The following SHROOM1 variants were observed in gnomAD, a reference collection of about 807,000 sequenced individuals.
SHROOM1 encodes shroom family member 1, also known as protein Shroom1.
A neutral mutation model predicts 64.2 loss-of-function variants in SHROOM1; 53 were observed. That is an observed-to-expected ratio of 0.83 (90% CI 0.66 to 1.04). The LOEUF is 1.04. SHROOM1 is among the 50% of genes least tolerant of loss of function. SHROOM1 has a pLI of 0.00. For synonymous variants in SHROOM1, 490 were observed against 518.9 expected (o/e 0.94, Z 0.76); for missense variants, 1,179 against 1,163.2 (o/e 1.01, Z -0.20).
Position 132,822,760 on chromosome 5 carries a change from G to C in SHROOM1, c.*36C>G. 6.5e-7 allele frequency: 1 copy of C among 1,529,826 alleles called. No individual in the cohort carries two copies. The allele number at this position is 1,529,826 out of a possible 1,614,324, so 94.8% of individuals were successfully genotyped here. A position where few individuals can be genotyped will look rare whatever the true frequency, so the allele number is the denominator to read the frequency against. On this transcript the variant is annotated 3_prime_UTR_variant, in exon 10 of 10. Coordinates refer to ENST00000378679, the MANE Select transcript of SHROOM1 (RefSeq NM_001172700.2). ...CATCACCCCACTTACGTGGGTGAGA[G>C]ATAGGGGCGGTGCACCCCACCCTCT... is the stretch of plus-strand genomic sequence containing the variant.
chr5:132,830,220 G>C lies in SHROOM1; in HGVS notation c.-501+374C>G, dbSNP rs1351557311. 3.0e-6 allele frequency: 3 copies of C among 985,244 alleles called. No homozygotes were observed. The highest frequency in any genetic ancestry group is 5.2e-4 in the Middle Eastern group (1 of 1,936). 61.0% of individuals were successfully genotyped at this position (985,244 alleles called of 1,614,324 possible). On this transcript the variant is annotated intron_variant, in intron 1 of 9. Transcript: ENST00000378679. This position sits in a 1 kb window ranked among gnomAD's most constrained non-coding sequence, Gnocchi z 5.9. ...CGCAGGGGACAGCGCGAGCCCGGGA[G>C]GGAAGGACCCGGCTTCTCCAGATGC...
Position 132,822,801 on chromosome 5 carries a change from T to G in SHROOM1, c.2554A>C (p.Thr852Pro), listed in dbSNP as rs1225300006. 4 of 1,600,994 alleles carry G rather than the reference T, an allele frequency of 2.5e-6. No individual in the cohort carries two copies. Among genetic ancestry groups the G allele is most frequent in the Non-Finnish European group, 3.4e-6 (4 of 1,174,020 alleles). Residue 852 changes from threonine (T) to proline (P), a missense_variant, in exon 10 of 10, where the codon ACA becomes CCA. Transcript: ENST00000378679. ...PVQPPFPLLLT is the reference protein window; with the variant it reads ...PVQPPFPLLLP ...CCCACCCTCTCCACCTATAACTATG[T>G]AAGGAGAAGAGGGAAGGGCGGCTGA... is the stretch of plus-strand genomic sequence containing the variant.
At position 132,825,602 on chromosome 5, in the gene SHROOM1, G is replaced by A. The variant is rs2292030; in HGVS notation, c.539C>T (p.Pro180Leu). 189,919 of 1,377,240 alleles carry A rather than the reference G, an allele frequency of 0.14. 13,692 individuals are homozygous for A. The highest frequency in any genetic ancestry group is 0.2 in the South Asian group (11,701 of 59,926). 85.3% of individuals were successfully genotyped at this position (1,377,240 alleles called of 1,614,324 possible). A position where few individuals can be genotyped will look rare whatever the true frequency, so the allele number is the denominator to read the frequency against. ...CGAGGCGGAGCGCGGGTGAGTCGCC[G>A]GGGGCCGCGCTGGGACAGTGGGCCG... ...RLRPTVPARP[P>L]ATHPRSASLS... Residue 180 changes from proline (P) to leucine (L), a missense_variant, in exon 4 of 10, where the codon CCG (proline) becomes CTG (leucine). Physicochemically the swap from Pro to Leu is moderately conservative, Grantham distance 98. Transcript: ENST00000378679. This position sits in a 1 kb window ranked among gnomAD's most constrained non-coding sequence, Gnocchi z 5.1.
At chr5:132,828,576 C>T (rs1403340339) in intron 1 of SHROOM1, among the ~76,000 whole-genome samples, 1 of 152,178 alleles carries the variant, frequency 6.6e-6, no homozygotes, top group Non-Finnish European at 1.5e-5. Context: ...TGTCACCCAT[C>T]CTGCCCATTT....
Position 132,822,788 on chromosome 5 carries a change from A to T in SHROOM1, c.*8T>A, listed in dbSNP as rs370158283. On this transcript the variant is annotated 3_prime_UTR_variant, in exon 10 of 10. Coordinates refer to ENST00000378679, the MANE Select transcript of SHROOM1 (RefSeq NM_001172700.2). ...AGGGGCGGTGCACCCCACCCTCTCC[A>T]CCTATAACTATGTAAGGAGAAGAGG... The T allele has an allele frequency of 2.5e-6, 4 of 1,584,858 alleles. No homozygotes were observed. Among genetic ancestry groups the T allele is most frequent in the Non-Finnish European group, 3.4e-6 (4 of 1,165,536 alleles).
chr5:132,825,222 C>G lies in SHROOM1; in HGVS notation c.919G>C (p.Ala307Pro), dbSNP rs773471567. The part of the protein sequence containing the change: ...AFRPASRSRS[A>P]SGEVLGSWGG... ...CAGGAACCCAAGACTTCGCCTGAAG[C>G]GCTCCGACTCCGACTGGCGGGCCTG... Residue 307 changes from alanine (A) to proline (P), a missense_variant, in exon 4 of 10, where the codon GCT becomes CCT. Transcript: ENST00000378679. This position sits in a 1 kb window ranked among gnomAD's most constrained non-coding sequence, Gnocchi z 5.1. 4 of 1,614,096 alleles carry G rather than the reference C, an allele frequency of 2.5e-6. No individual in the cohort carries two copies. The highest frequency in any genetic ancestry group is 3.4e-6 in the Non-Finnish European group (4 of 1,180,016).
In SHROOM1 at chr5:132,822,657, C is replaced by T. The variant is rs369934899; in HGVS notation, c.*139G>A. ...GGATTACAGGCGTGAGCCACCGCGC[C>T]CGGCTGGAGGAGTATCTTAGAAAGG... On this transcript the variant is annotated 3_prime_UTR_variant, in exon 10 of 10. Transcript: ENST00000378679. 43 of 1,058,246 alleles carry T rather than the reference C, an allele frequency of 4.1e-5. No homozygotes were observed. The highest frequency in any genetic ancestry group is 2.4e-4 in the South Asian group (14 of 59,166). The allele number at this position is 1,058,246 out of a possible 1,614,324, so 65.6% of individuals were successfully genotyped here. A position where few individuals can be genotyped will look rare whatever the true frequency, so the allele number is the denominator to read the frequency against.
At position 132,823,198 on chromosome 5, in the gene SHROOM1, A is replaced by C. The variant is rs1758511081; in HGVS notation, c.2226+52T>G. The C allele has an allele frequency of 3.2e-6, 5 of 1,555,564 alleles. No individual in the cohort carries two copies. The South Asian group carries it at 6.0e-5, about 19-fold the overall frequency. Reference sequence around the variant, plus strand: ...CCGCTCCCGGAATGGTTCCAGCCGGAGACAGCAGGCCCCTCACCGCCCTAC... The same window carrying C: ...CCGCTCCCGGAATGGTTCCAGCCGGCGACAGCAGGCCCCTCACCGCCCTAC... On this transcript the variant is annotated intron_variant, in intron 9 of 9. Transcript: ENST00000378679. The surrounding 1 kb of genome is among the most constrained non-coding windows in gnomAD (Gnocchi z 4.6).
In SHROOM1 at chr5:132,826,101, C is replaced by A. The variant is rs1373427503; in HGVS notation, c.40G>T (p.Ala14Ser). 1 of 1,394,172 alleles carries A rather than the reference C, an allele frequency of 7.2e-7. No homozygotes were observed. Among genetic ancestry groups the A allele is most frequent in the Non-Finnish European group, 9.3e-7 (1 of 1,074,914 alleles). 86.4% of individuals were successfully genotyped at this position (1,394,172 alleles called of 1,614,324 possible). A position where few individuals can be genotyped will look rare whatever the true frequency, so the allele number is the denominator to read the frequency against. Residue 14 changes from alanine to serine, a missense_variant, in exon 4 of 10, where the codon GCC (alanine) becomes TCC (serine). Coordinates refer to ENST00000378679, the MANE Select transcript of SHROOM1 (RefSeq NM_001172700.2). ...LGPGGDRASPASSTSSLDLWH... is the reference protein window; with the variant it reads ...LGPGGDRASPSSSTSSLDLWH... The stretch of plus-strand genomic sequence containing the variant: ...AGGTCCAGGCTGCTAGTGGACGAGG[C>A]CGGGGAGGCGCGGTCGCCCCCAGGT...
chr5:132,823,700 G>A lies in SHROOM1; in HGVS notation c.1876C>T (p.Pro626Ser). 6.2e-7 allele frequency: 1 copy of A among 1,612,264 alleles called. No individual in the cohort carries two copies. The highest frequency in any genetic ancestry group is 8.5e-7 in the Non-Finnish European group (1 of 1,179,290). ...TGGTCAAGCACAGGGTGGGTGGCAG[G>A]GTTTTCAAGCCTTGTCTCCTCCCGA... Reference protein sequence around the residue: ...APREETRLENPATHPVLDQPC... With the variant: ...APREETRLENSATHPVLDQPC... Residue 626 changes from proline to serine, a missense_variant, in exon 8 of 10, where the codon CCT becomes TCT. By Grantham distance (74) the Pro-to-Ser change is moderately conservative. Transcript: ENST00000378679. This position sits in a 1 kb window ranked among gnomAD's most constrained non-coding sequence, Gnocchi z 4.6.
At chr5:132,827,925 G>A (rs182067067) in intron 1 of SHROOM1, among the ~76,000 whole-genome samples, 1 of 152,200 alleles carries the variant, frequency 6.6e-6, no homozygotes, top group East Asian at 1.9e-4. Context: ...CTGGGAGGGG[G>A]ATCAAGGGTA....
Position 132,823,316 on chromosome 5 carries a change from GC to G in SHROOM1, c.2159del (p.Gly720AlafsTer43). ...ERVLGLLLLL[G>X]SRLARVRRAL... Reference sequence around the variant, plus strand: ...CGCGGCGCACGCGCGCCAGGCGACTGCCCAGCAGCAGCAGAAGGCCAAGCAC... The same window carrying G: ...CGCGGCGCACGCGCGCCAGGCGACTGCCAGCAGCAGCAGAAGGCCAAGCAC... On this transcript the variant is annotated frameshift_variant, in exon 9 of 10. Coordinates refer to ENST00000378679, the MANE Select transcript of SHROOM1 (RefSeq NM_001172700.2). LOFTEE classifies it high-confidence loss of function. This position sits in a 1 kb window ranked among gnomAD's most constrained non-coding sequence, Gnocchi z 4.6. 1 of 1,603,882 alleles carries G rather than the reference GC, an allele frequency of 6.2e-7. No individual in the cohort carries two copies.
In SHROOM1 at chr5:132,823,788, T is replaced by G. The variant is rs376872099; in HGVS notation, c.1812-24A>C. Reference sequence around the variant, plus strand: ...ACCTGGGAACAAAACCAGAGCTCCCTGGGTTTCCTGTCCCCAACTTCAGGG... The same window carrying G: ...ACCTGGGAACAAAACCAGAGCTCCCGGGGTTTCCTGTCCCCAACTTCAGGG... On this transcript the variant is annotated intron_variant, in intron 7 of 9. Transcript: ENST00000378679. This position sits in a 1 kb window ranked among gnomAD's most constrained non-coding sequence, Gnocchi z 4.6. 11 of 1,537,644 alleles carry G rather than the reference T, an allele frequency of 7.2e-6. No homozygotes were observed. In the South Asian group the frequency reaches 1.1e-4, roughly 16 times the overall value.
Position 132,827,005 on chromosome 5 carries a change from C to T in SHROOM1, c.-353-418G>A, listed in dbSNP as rs912649884. On this transcript the variant is annotated intron_variant, in intron 2 of 9. Coordinates refer to ENST00000378679, the MANE Select transcript of SHROOM1 (RefSeq NM_001172700.2). ...CACTATGGGAAAGTCACCCCTACCTCCCCATACACTATTGGCAGATTCCAA... is the reference window on the plus strand; with the variant it reads ...CACTATGGGAAAGTCACCCCTACCTTCCCATACACTATTGGCAGATTCCAA... Among the ~76,000 whole-genome samples, 85 of 152,246 alleles carry T rather than the reference C, an allele frequency of 5.6e-4. 5 individuals are homozygous for T. The highest frequency in any genetic ancestry group is 4.8e-5 in the African/African-American group (2 of 41,470).
In SHROOM1 at chr5:132,830,169, G is replaced by T. The variant is rs1041721378; in HGVS notation, c.-501+425C>A. ...CGCGCAGTTCTGGGCCTTTCCCGTT[G>T]GGTTCACCGTCGGGGAAGGATCGCG... On this transcript the variant is annotated intron_variant, in intron 1 of 9. Transcript: ENST00000378679. The surrounding 1 kb of genome is among the most constrained non-coding windows in gnomAD (Gnocchi z 5.9). 30 of 985,210 alleles carry T rather than the reference G, an allele frequency of 3.0e-5. 1 individual carries two copies. In the African/African-American group the frequency reaches 3.7e-4, roughly 12 times the overall value. The allele number at this position is 985,210 out of a possible 1,614,324, so 61.0% of individuals were successfully genotyped here.
In SHROOM1 at chr5:132,822,463, A is replaced by T; in HGVS notation, c.*333T>A. 5.2e-6 allele frequency: 1 copy of T among 191,450 alleles called. No homozygotes were observed. Among genetic ancestry groups the T allele is most frequent in the Non-Finnish European group, 1.0e-5 (1 of 100,390 alleles). The allele number at this position is 191,450 out of a possible 1,614,324, so 11.9% of individuals were successfully genotyped here. ...ACTGCAAGCTCCACCTCCCAGGTTC[A>T]CGCCATTCTCCTGCCTCAGCCTTCC... is the stretch of plus-strand genomic sequence containing the variant. On this transcript the variant is annotated 3_prime_UTR_variant, in exon 10 of 10. Transcript: ENST00000378679.
chr5:132,825,171 T>C lies in SHROOM1; in HGVS notation c.970A>G (p.Ile324Val). 1.2e-6 allele frequency: 2 copies of C among 1,614,104 alleles called. No homozygotes were observed. The highest frequency in any genetic ancestry group is 2.2e-5 in the South Asian group (2 of 91,076). The change falls in exon 4 of 10, where the codon ATT becomes GTT. Residue 324 changes from isoleucine (I) to valine (V), a missense_variant. Coordinates refer to ENST00000378679, the MANE Select transcript of SHROOM1 (RefSeq NM_001172700.2). This position sits in a 1 kb window ranked among gnomAD's most constrained non-coding sequence, Gnocchi z 5.1. ...TCTCCTGACTTCCATACCTGGACAA[T>C]GGGTATGGTCCCTCCTGATCCTCCC... Reference protein sequence around the residue: ...SWGGSGGTIPIVQAVPQGAET... With the variant: ...SWGGSGGTIPVVQAVPQGAET...
rs1256358640 is a variant in SHROOM1, at chr5:132,826,321, A to C, written c.-87T>G. ...ACCGTCACAAGCGCTGGCATCCCCC[A>C]GATTTTGGCAGAGTCACCTTGGGAT... On this transcript the variant is annotated 5_prime_UTR_variant, in exon 3 of 10. Transcript: ENST00000378679. 8.1e-7 allele frequency: 1 copy of C among 1,234,022 alleles called. No homozygotes were observed. The highest frequency in any genetic ancestry group is 1.6e-5 in the African/African-American group (1 of 64,452). 76.4% of individuals were successfully genotyped at this position (1,234,022 alleles called of 1,614,324 possible). A position where few individuals can be genotyped will look rare whatever the true frequency, so the allele number is the denominator to read the frequency against.
At chr5:132,828,813 T>C (rs1358577676) in intron 1 of SHROOM1, among the ~76,000 whole-genome samples, 2 of 152,242 alleles carry the variant, frequency 1.3e-5, no homozygotes, top group Non-Finnish European at 2.9e-5. Flanking sequence ...CCCTATCAGG[T>C]TGATGTTCAC....
Sources: allele counts gnomAD v4.1 joint callset (sites outside exome capture counted in the v4.1 genomes callset), GRCh38; gene constraint gnomAD v4.1.1; non-coding constraint Gnocchi (gnomAD v3.1); transcripts MANE v1.5; gene names NCBI Gene and HGNC (gene_info 2026-07-23, HGNC 2026-07-21).